The following GAL3ST1 variants were observed in gnomAD, a reference collection of about 807,000 sequenced individuals.
GAL3ST1 encodes galactosylceramide sulfotransferase.
In GAL3ST1, 13 loss-of-function variants were observed where a neutral mutation model predicts 25.0. The ratio of observed to expected loss-of-function variants is 0.52; its 90% CI spans 0.34 to 0.83. GAL3ST1 has a LOEUF of 0.83. Among genes scored for constraint, GAL3ST1 ranks in the 40% least tolerant of loss-of-function variants. The probability of loss-of-function intolerance (pLI) is 0.02; values close to 1 mark genes in which losing one functional copy is unlikely to be tolerated. For synonymous variants in GAL3ST1, 274 were observed against 277.8 expected (o/e 0.99, Z 0.14); for missense variants, 474 against 613.6 (o/e 0.77, Z 2.40).
At chr22:30,571,625 A>G (rs1402746684) in intron 1 of GAL3ST1, among the ~76,000 whole-genome samples, 3 of 152,088 alleles carry the variant, frequency 2.0e-5, no homozygotes, top group Non-Finnish European at 4.4e-5. Context: ...GCACTTTGGG[A>G]GGCCGAGGCG....
intron 3 of GAL3ST1, 101 bp from the exon 4 acceptor site, chr22:30,556,194 G>A: frequency 9.9e-7 from 1 of 1,011,916 alleles, no homozygotes; most frequent in Non-Finnish European, 1.4e-6. Context: ...TGGTGGCAAA[G>A]GAGCTGGGAT....
chr22:30,561,354 G>A (rs947581107), intron 1 of GAL3ST1, among the ~76,000 whole-genome samples: 41 of 152,268 alleles, frequency 2.7e-4, no homozygotes, highest in African/African-American at 9.6e-4. Context: ...CCCCTGTTAG[G>A]AGCCAGGCCC....
At chr22:30,562,778 G>A (rs956558806) in intron 1 of GAL3ST1, among the ~76,000 whole-genome samples, 2 of 152,226 alleles carry the variant, frequency 1.3e-5, no homozygotes, top group African/African-American at 4.8e-5. Flanking sequence ...ACACAGGAGA[G>A]ATCCTGTGTA....
chr22:30,559,315 C>A (rs1420295431), intron 1 of GAL3ST1, among the ~76,000 whole-genome samples: 2 of 152,016 alleles, frequency 1.3e-5, no homozygotes, highest in South Asian at 2.1e-4. Context: ...ATCTCGGCTC[C>A]CTGCAACCTT....
At position 30,562,617 on chromosome 22, in the gene GAL3ST1, G is replaced by A. The variant is rs990781210; in HGVS notation, c.-119-4229C>T. Among the ~76,000 whole-genome samples, 7 of 152,236 alleles carry A rather than the reference G, an allele frequency of 4.6e-5. No individual in the cohort carries two copies. The East Asian group carries it at 1.3e-3, about 29-fold the overall frequency. ...CCCCGCTGCAGGCAAGCCTACCAGT[G>A]ACTCATCCCTGAGCTCCCCGAGCCT... On this transcript the variant is annotated intron_variant, in intron 1 of 3. Coordinates refer to ENST00000406361, the MANE Select transcript of GAL3ST1 (RefSeq NM_001318104.2).
At chr22:30,557,707 C>T (rs1450118153) in intron 2 of GAL3ST1, 2 of 272,896 alleles carry the variant, frequency 7.3e-6, no homozygotes, top group East Asian at 1.3e-4. Flanking sequence ...ACTTTCCACT[C>T]CTTTTAATTT....
At chr22:30,557,465 G>A in intron 2 of GAL3ST1, 64 bp from the exon 3 acceptor site, 2 of 1,585,706 alleles carry the variant, frequency 1.3e-6, no homozygotes, top group South Asian at 1.1e-5. Context: ...CCCCAAGGCT[G>A]CCCAGGCCTG....
At chr22:30,566,905 A>G (rs570567092) in intron 1 of GAL3ST1, among the ~76,000 whole-genome samples, 10 of 152,222 alleles carry the variant, frequency 6.6e-5, no homozygotes, top group Admixed American at 5.2e-4. Context: ...CACCACGCCC[A>G]GCCGATGACA....
In GAL3ST1 at chr22:30,557,245, C is replaced by G. The variant is rs766926134; in HGVS notation, c.131+17G>C. 8 of 1,613,574 alleles carry G rather than the reference C, an allele frequency of 5.0e-6. No homozygotes were observed. Among genetic ancestry groups the G allele is most frequent in the Non-Finnish European group, 6.8e-6 (8 of 1,179,774 alleles). The stretch of plus-strand genomic sequence containing the variant: ...TCCCCCACCTACACCCATCATCTGC[C>G]CAGCTGGGCCACTCACGTGGAGGCC... On this transcript the variant is annotated intron_variant, in intron 3 of 3. Coordinates refer to ENST00000406361, the MANE Select transcript of GAL3ST1 (RefSeq NM_001318104.2).
At chr22:30,562,643 G>A (rs1485390877) in intron 1 of GAL3ST1, among the ~76,000 whole-genome samples, 6 of 152,210 alleles carry the variant, frequency 3.9e-5, no homozygotes, top group Admixed American at 3.9e-4. Flanking sequence ...CCCCGAGCCT[G>A]GCACCTGGTG....
chr22:30,557,489 G>A, intron 2 of GAL3ST1, 88 bp from the exon 3 acceptor site: 1 of 1,450,126 alleles, frequency 6.9e-7, no homozygotes, highest in South Asian at 1.2e-5. Context: ...GTTGAGCCCT[G>A]CCTTTGCCTG....
intron 1 of GAL3ST1, among the ~76,000 whole-genome samples, chr22:30,559,244 T>C (rs2086228211): frequency 6.6e-6 from 1 of 152,146 alleles, no homozygotes; most frequent in African/African-American, 2.4e-5. Context: ...TTTTTATATG[T>C]TTATTTTATT....
In GAL3ST1 at chr22:30,555,071, C is replaced by G. The variant is rs767295908; in HGVS notation, c.1154G>C (p.Arg385Pro). 1.6e-5 allele frequency: 26 copies of G among 1,612,578 alleles called. No individual in the cohort carries two copies. The African/African-American group carries it at 3.1e-4, about 19-fold the overall frequency. Residue 385 changes from arginine (R) to proline (P), a missense_variant, in exon 4 of 4, where the codon CGG becomes CCG. Transcript: ENST00000406361. This position sits in a 1 kb window ranked among gnomAD's most constrained non-coding sequence, Gnocchi z 8.6. ...GYNLKKSIGQ[R>P]HAQLCRRMLT... The stretch of plus-strand genomic sequence containing the variant: ...CATGCGCCGGCAGAGCTGCGCGTGC[C>G]GCTGCCCGATGCTCTTCTTGAGGTT...
At chr22:30,567,101 C>T (rs1815601454) in intron 1 of GAL3ST1, among the ~76,000 whole-genome samples, 2 of 151,968 alleles carry the variant, frequency 1.3e-5, no homozygotes, top group South Asian at 4.2e-4. Flanking sequence ...GGATTACAGA[C>T]ATGCACCATG....
chr22:30,560,978 T>C (rs901615962), intron 1 of GAL3ST1, among the ~76,000 whole-genome samples: 5 of 152,158 alleles, frequency 3.3e-5, no homozygotes, highest in Non-Finnish European at 7.3e-5. Flanking sequence ...GGTGTCTCCC[T>C]ATGTTGCCCA....
At chr22:30,574,166 G>A (rs1023190483) in intron 1 of GAL3ST1, among the ~76,000 whole-genome samples, 8 of 152,158 alleles carry the variant, frequency 5.3e-5, no homozygotes, top group African/African-American at 1.9e-4. Context: ...CCAGCAGCCT[G>A]CCTTCTGCCC....
intron 2 of GAL3ST1, 58 bp from the exon 3 acceptor site, chr22:30,557,459 AAGGCTGCCC>A: frequency 6.3e-7 from 1 of 1,598,094 alleles, no homozygotes; most frequent in East Asian, 2.2e-5. Flanking sequence ...GGGAGCCCCC[AAGGCTGCCC>A]AGGCCTGGCA....
At chr22:30,563,719 C>T (rs1168493047) in intron 1 of GAL3ST1, among the ~76,000 whole-genome samples, 1 of 151,758 alleles carries the variant, frequency 6.6e-6, no homozygotes, top group Non-Finnish European at 1.5e-5. Context: ...CGAGACCATC[C>T]TGGCTAACAC....
At chr22:30,567,287 T>A (rs1413207572) in intron 1 of GAL3ST1, among the ~76,000 whole-genome samples, 3 of 151,866 alleles carry the variant, frequency 2.0e-5, no homozygotes, top group African/African-American at 7.3e-5. Flanking sequence ...GTTTTTGTTT[T>A]TTTGACACAA....
Sources: allele counts gnomAD v4.1 joint callset (sites outside exome capture counted in the v4.1 genomes callset), GRCh38; gene constraint gnomAD v4.1.1; non-coding constraint Gnocchi (gnomAD v3.1); transcripts MANE v1.5; gene names NCBI Gene and HGNC (gene_info 2026-07-23, HGNC 2026-07-21).